The following AUH variants were observed in gnomAD, a reference collection of about 807,000 sequenced individuals.
AUH encodes AU RNA binding methylglutaconyl-CoA hydratase, also known as methylglutaconyl-CoA hydratase, mitochondrial.
A neutral mutation model predicts 42.3 loss-of-function variants in AUH; 29 were observed. The observed-to-expected ratio is 0.69, with a 90% CI of 0.51 to 0.93. The LOEUF (loss-of-function observed/expected upper bound fraction) is 0.93. Among genes scored for constraint, AUH ranks in the 40% least tolerant of loss-of-function variants. The pLI is 0.00. For synonymous variants in AUH, 174 were observed against 166.4 expected, an observed-to-expected ratio of 1.05 and a Z score of -0.35; for missense variants, 452 against 438.1, an observed-to-expected ratio of 1.03 and a Z score of -0.28.
At chr9:91,239,363 A>G (rs567302093) in intron 6 of AUH, among the ~76,000 whole-genome samples, 2 of 152,308 alleles carry the variant, frequency 1.3e-5, no homozygotes, top group East Asian at 3.9e-4. Context: ...CTTCTCTCAT[A>G]AATAGAAAAG....
At chr9:91,248,711 G>A (rs1185271024) in intron 6 of AUH, among the ~76,000 whole-genome samples, 2 of 152,140 alleles carry the variant, frequency 1.3e-5, no homozygotes, top group Admixed American at 1.3e-4. Flanking sequence ...TGGAAACTGG[G>A]ACTTCAAGCG....
chr9:91,341,703 G>T (rs1831114946), intron 3 of AUH, among the ~76,000 whole-genome samples: 1 of 152,218 alleles, frequency 6.6e-6, no homozygotes, highest in South Asian at 2.1e-4. Context: ...CACTGTTCTG[G>T]CAATAGGCCT....
At chr9:91,260,641 T>C (rs774393406) in intron 6 of AUH, among the ~76,000 whole-genome samples, 7 of 152,188 alleles carry the variant, frequency 4.6e-5, no homozygotes, top group South Asian at 2.1e-4. Context: ...TTATGTACAA[T>C]AGAAGTCTTG....
At chr9:91,330,229 A>C (rs569596761) in intron 3 of AUH, among the ~76,000 whole-genome samples, 1 of 152,262 alleles carries the variant, frequency 6.6e-6, no homozygotes, top group East Asian at 1.9e-4. Context: ...CAAAACATCC[A>C]AAAATCAAGG....
chr9:91,231,569 A>G lies in AUH; in HGVS notation c.656-10577T>C, dbSNP rs116219184. ...CGGAGCTGTTCCTATTCGGTCATCT[A>G]AAGTGCCACTTCTAAACAGTCTTGG... On this transcript the variant is annotated intron_variant, in intron 6 of 9. Transcript: ENST00000375731. 3.7e-3 allele frequency among the ~76,000 whole-genome samples: 561 copies of G among 152,252 alleles called. 4 individuals carry two copies. The highest frequency in any genetic ancestry group is 0.013 in the African/African-American group (531 of 41,572).
At chr9:91,276,848 A>G (rs1825584343) in intron 6 of AUH, among the ~76,000 whole-genome samples, 1 of 152,224 alleles carries the variant, frequency 6.6e-6, no homozygotes, top group Non-Finnish European at 1.5e-5. Flanking sequence ...TATGTTTGCC[A>G]TGTGGTTTTC....
At chr9:91,241,473 G>A (rs1828514344) in intron 6 of AUH, among the ~76,000 whole-genome samples, 1 of 152,018 alleles carries the variant, frequency 6.6e-6, no homozygotes, top group African/African-American at 2.4e-5. Context: ...TTATGGCTAG[G>A]CTGGATATTT....
chr9:91,225,392 A>G (rs750202528), intron 6 of AUH, among the ~76,000 whole-genome samples: 4 of 152,222 alleles, frequency 2.6e-5, no homozygotes, highest in Non-Finnish European at 5.9e-5. Context: ...CTCCAATATT[A>G]ACTTAGAGTT....
chr9:91,249,371 T>A (rs2131377732), intron 6 of AUH, among the ~76,000 whole-genome samples: 1 of 148,922 alleles, frequency 6.7e-6, no homozygotes, highest in Admixed American at 6.7e-5. Context: ...AAGAGGGGGT[T>A]TGGGGAACAC....
At chr9:91,230,941 C>T (rs1827837793) in intron 6 of AUH, among the ~76,000 whole-genome samples, 1 of 152,206 alleles carries the variant, frequency 6.6e-6, no homozygotes, top group South Asian at 2.1e-4. Context: ...ACTGGGAGAA[C>T]CACTGCTCTC....
chr9:91,236,279 T>A (rs1828176203), intron 6 of AUH, among the ~76,000 whole-genome samples: 3 of 145,868 alleles, frequency 2.1e-5, no homozygotes, highest in East Asian at 2.1e-4. Context: ...GGGGTGGGGG[T>A]CTGGAACTTT....
chr9:91,250,350 C>G (rs1829058030), intron 6 of AUH, among the ~76,000 whole-genome samples: 1 of 152,208 alleles, frequency 6.6e-6, no homozygotes, highest in Non-Finnish European at 1.5e-5. Context: ...GTAAAGGGCC[C>G]TAAAGGCCAC....
intron 3 of AUH, among the ~76,000 whole-genome samples, chr9:91,339,149 G>A (rs573203601): frequency 6.6e-6 from 1 of 152,276 alleles, no homozygotes; most frequent in African/African-American, 2.4e-5. Flanking sequence ...TCCTTGACTT[G>A]CAATGGGGTT....
chr9:91,330,268 C>T (rs1459656532), intron 3 of AUH, among the ~76,000 whole-genome samples: 1 of 152,084 alleles, frequency 6.6e-6, no homozygotes, highest in African/African-American at 2.4e-5. Flanking sequence ...ACAAAAGGAA[C>T]ATAAGACCTT....
intron 6 of AUH, among the ~76,000 whole-genome samples, chr9:91,280,529 C>T (rs1375609824): frequency 6.6e-6 from 1 of 152,004 alleles, no homozygotes; most frequent in Non-Finnish European, 1.5e-5. Context: ...CCAAAATCAC[C>T]AATTAATTAG....
At chr9:91,324,362 G>T (rs1829810046) in intron 4 of AUH, among the ~76,000 whole-genome samples, 1 of 151,980 alleles carries the variant, frequency 6.6e-6, no homozygotes, top group South Asian at 2.1e-4. Context: ...AATCAGCCAG[G>T]CCTGATGGTT....
chr9:91,276,781 T>C (rs938969990), intron 6 of AUH, among the ~76,000 whole-genome samples: 31 of 152,090 alleles, frequency 2.0e-4, no homozygotes, highest in Admixed American at 5.9e-4. Flanking sequence ...TCAAGAACAA[T>C]AGCTTATAGA....
At chr9:91,274,158 C>G (rs140160533) in intron 6 of AUH, among the ~76,000 whole-genome samples, 105 of 151,164 alleles carry the variant, frequency 6.9e-4, no homozygotes, top group African/African-American at 2.4e-3. Flanking sequence ...GAAACAAATC[C>G]AAAAAAAATA....
At chr9:91,258,016 T>C in intron 6 of AUH, among the ~76,000 whole-genome samples, 1 of 152,260 alleles carries the variant, frequency 6.6e-6, no homozygotes, top group East Asian at 1.9e-4. Context: ...AATGCTATTG[T>C]AAATTTTAGT....
Sources: gnomAD v4.1 joint callset for allele counts (sites outside exome capture counted in the v4.1 genomes callset) on GRCh38, gnomAD v4.1.1 for gene constraint, MANE v1.5 for transcripts, NCBI Gene and HGNC (gene_info 2026-07-23, HGNC 2026-07-21) for gene names.